Variants in TSKU observed in about 807,000 individuals in gnomAD.
TSKU encodes the protein tsukushi, small leucine rich proteoglycan, also known as tsukushi.
In TSKU, 4 loss-of-function variants were observed where a neutral mutation model predicts 11.2. The observed-to-expected ratio is 0.36, with a 90% confidence interval of 0.18 to 0.82. TSKU has a LOEUF of 0.82. TSKU is among the 40% of genes least tolerant of loss of function. TSKU has a pLI of 0.50. For missense variants in TSKU, 407 were observed against 482.5 expected, an observed-to-expected ratio of 0.84 and a Z score of 1.47; for synonymous variants, 220 against 232.2, an observed-to-expected ratio of 0.95 and a Z score of 0.48.
chr11:76,792,340 C>T (rs1479796954), intron 1 of TSKU: 1 of 152,200 alleles, frequency 6.6e-6, no homozygotes, highest in South Asian at 2.1e-4. Context: ...TTTACAGGCT[C>T]GTAGGTGGAA....
At chr11:76,787,853 G>C (rs1385452783) in intron 1 of TSKU, among the ~76,000 whole-genome samples, 1 of 152,186 alleles carries the variant, frequency 6.6e-6, no homozygotes, top group Non-Finnish European at 1.5e-5. Flanking sequence ...GTTAAGTCCG[G>C]GGTCCTCTCC....
intron 1 of TSKU, among the ~76,000 whole-genome samples, chr11:76,784,921 A>G (rs890521593): frequency 1.3e-5 from 2 of 152,184 alleles, no homozygotes; most frequent in African/African-American, 2.4e-5. Flanking sequence ...GAAAGAAACA[A>G]CTGTGGGCAT....
At chr11:76,790,511 A>G (rs528752069) in intron 1 of TSKU, among the ~76,000 whole-genome samples, 1 of 142,726 alleles carries the variant, frequency 7.0e-6, no homozygotes, top group East Asian at 2.0e-4. Flanking sequence ...ATGACTTCTG[A>G]TATGGTTTGG....
At chr11:76,795,037 G>T (rs1013047543) in intron 1 of TSKU, among the ~76,000 whole-genome samples, 7 of 152,230 alleles carry the variant, frequency 4.6e-5, no homozygotes, top group African/African-American at 1.4e-4. Context: ...TTGGAAGGTG[G>T]TTGTGAGGGT....
intron 1 of TSKU, chr11:76,784,003 C>CG (rs1257255927): frequency 3.9e-5 from 6 of 152,286 alleles, no homozygotes. Flanking sequence ...CACCGCTACC[C>CG]GGCCGGGGGC....
upstream of TSKU, chr11:76,783,327 A>G (rs1944262161): frequency 6.7e-6 from 1 of 150,324 alleles, no homozygotes; most frequent in Non-Finnish European, 1.5e-5. Flanking sequence ...CGCCGCGCGG[A>G]GAAAAGCGCT....
chr11:76,784,746 T>TGGGGG (rs774195231), intron 1 of TSKU, among the ~76,000 whole-genome samples: 1 of 41,816 alleles, frequency 2.4e-5, no homozygotes, highest in African/African-American at 1.5e-4. Flanking sequence ...TGACCGGAGG[T>TGGGGG]GGGGGGGGGG....
chr11:76,783,564 C>T (rs1257625808), intron 1 of TSKU, among the ~76,000 whole-genome samples, 160 bp downstream of exon 1: 1 of 152,156 alleles, frequency 6.6e-6, no homozygotes, highest in Non-Finnish European at 1.5e-5. Context: ...CGTCGGACGC[C>T]TAGGGCTGGG....
At position 76,796,834 on chromosome 11, in the gene TSKU, C is replaced by T; in HGVS notation, c.*156C>T. 1 of 518,350 alleles carries T rather than the reference C, an allele frequency of 1.9e-6. No individual in the cohort carries two copies. The highest frequency in any genetic ancestry group is 8.6e-5 in the South Asian group (1 of 11,574). The allele number at this position is 518,350 out of a possible 1,614,324, so 32.1% of individuals were successfully genotyped here. On this transcript the variant is annotated 3_prime_UTR_variant, in exon 2 of 2. Coordinates refer to ENST00000333090, the MANE Select transcript of TSKU (RefSeq NM_015516.4). This position sits in a 1 kb window ranked among gnomAD's most constrained non-coding sequence, Gnocchi z 4.1. Reference sequence around the variant, plus strand: ...TTGTGGGCCTAGGAGAGGCTTTGGACCTGGGAGCCACACCTAGGAGCAAAG... The same window carrying T: ...TTGTGGGCCTAGGAGAGGCTTTGGATCTGGGAGCCACACCTAGGAGCAAAG...
chr11:76,795,578 A>G, intron 1 of TSKU, 31 bp from the exon 2 acceptor site: 1 of 1,591,182 alleles, frequency 6.3e-7, no homozygotes, highest in Non-Finnish European at 8.5e-7. Context: ...CATCTGGTGC[A>G]TTCATTCCTC....
Position 76,796,149 on chromosome 11 carries a change from G to T in TSKU, c.533G>T (p.Arg178Met), listed in dbSNP as rs1396851868. The T allele has an allele frequency of 6.2e-7, 1 of 1,613,424 alleles. No individual in the cohort carries two copies. Among genetic ancestry groups the T allele is most frequent in the African/African-American group, 1.3e-5 (1 of 74,876 alleles). Reference protein sequence around the residue: ...LIHRLVPHPTRAGLPAPTIQS... With the variant: ...LIHRLVPHPTMAGLPAPTIQS... ...CACCGCCTCGTGCCCCACCCCACGA[G>T]GGCCGGCCTGCCTGCGCCCACCATT... is the stretch of plus-strand genomic sequence containing the variant. The change falls in exon 2 of 2, where the codon AGG becomes ATG. Residue 178 changes from arginine (R) to methionine (M), a missense_variant. By Grantham distance (91) the Arg-to-Met change is moderately conservative. Transcript: ENST00000333090. The surrounding 1 kb of genome is among the most constrained non-coding windows in gnomAD (Gnocchi z 4.1).
intron 1 of TSKU, among the ~76,000 whole-genome samples, chr11:76,784,640 T>C (rs1216450485): frequency 6.6e-6 from 1 of 151,954 alleles, no homozygotes; most frequent in African/African-American, 2.4e-5. Flanking sequence ...CAGCCCACAC[T>C]TGGCCTGGCG....
At chr11:76,786,448 G>A (rs1199719418) in intron 1 of TSKU, among the ~76,000 whole-genome samples, 2 of 152,184 alleles carry the variant, frequency 1.3e-5, no homozygotes, top group Non-Finnish European at 2.9e-5. Context: ...AGGGAACAAC[G>A]TGTGCAAAAA....
At chr11:76,782,704 A>G (rs1944248452), upstream of TSKU, 1 of 151,976 alleles carries the variant, frequency 6.6e-6, no homozygotes, top group African/African-American at 2.4e-5. Flanking sequence ...TCCTAAAAGA[A>G]AAACTCAATC....
In TSKU at chr11:76,796,735, C is replaced by G. The variant is rs773411895; in HGVS notation, c.*57C>G. ...CTGCTGTCCTGGGCTGCCTCAGGTC[C>G]CGAGTAACTTATGTTCAATGTGCCA... On this transcript the variant is annotated 3_prime_UTR_variant, in exon 2 of 2. Transcript: ENST00000333090. The surrounding 1 kb of genome is among the most constrained non-coding windows in gnomAD (Gnocchi z 4.1). 46 of 1,332,386 alleles carry G rather than the reference C, an allele frequency of 3.5e-5. No homozygotes were observed. The highest frequency in any genetic ancestry group is 4.4e-5 in the African/African-American group (3 of 67,588). The allele number at this position is 1,332,386 out of a possible 1,614,324, so 82.5% of individuals were successfully genotyped here.
Position 76,797,727 on chromosome 11 carries a change from T to A in TSKU, c.*1049T>A, listed in dbSNP as rs1944473785. ...CACTGGCCCTGAGCACGACAGCCCT[T>A]CTTACCCTCCCAGGAATGCCGTGAA... On this transcript the variant is annotated 3_prime_UTR_variant, in exon 2 of 2. Coordinates refer to ENST00000333090, the MANE Select transcript of TSKU (RefSeq NM_015516.4). 3 of 167,062 alleles carry A rather than the reference T, an allele frequency of 1.8e-5. No homozygotes were observed. The highest frequency in any genetic ancestry group is 1.3e-4 in the Admixed American group (2 of 15,284). 10.3% of individuals were successfully genotyped at this position (167,062 alleles called of 1,614,324 possible).
chr11:76,791,141 A>G (rs1024512593), intron 1 of TSKU, among the ~76,000 whole-genome samples: 7 of 152,228 alleles, frequency 4.6e-5, no homozygotes, highest in Admixed American at 6.5e-5. Flanking sequence ...CTTGAGAGCA[A>G]TGATTTAGGG....
intron 1 of TSKU, among the ~76,000 whole-genome samples, chr11:76,783,860 G>C (rs1434306663): frequency 6.6e-6 from 1 of 152,196 alleles, no homozygotes; most frequent in Non-Finnish European, 1.5e-5. Flanking sequence ...GTCTGGGCTG[G>C]GTGTCCGCAG....
chr11:76,783,492 G>A lies in TSKU; in HGVS notation c.-9+88G>A, dbSNP rs193056117. The stretch of plus-strand genomic sequence containing the variant: ...ATCCTAGCCTCGCGGCCCCTTCGGA[G>A]GGCGGGCTGGGGACGCCGGGCGCAG... On this transcript the variant is annotated intron_variant, in intron 1 of 1. Coordinates refer to ENST00000333090, the MANE Select transcript of TSKU (RefSeq NM_015516.4). 985 of 152,400 alleles carry A rather than the reference G, an allele frequency of 6.5e-3. 7 individuals carry two copies. Among genetic ancestry groups the A allele is most frequent in the African/African-American group, 0.022 (897 of 41,568 alleles). 9.4% of individuals were successfully genotyped at this position (152,400 alleles called of 1,614,324 possible).
Sources: allele counts gnomAD v4.1 joint callset (sites outside exome capture counted in the v4.1 genomes callset), GRCh38; gene constraint gnomAD v4.1.1; non-coding constraint Gnocchi (gnomAD v3.1); transcripts MANE v1.5; gene names NCBI Gene and HGNC (gene_info 2026-07-23, HGNC 2026-07-21).